The following DDX46 variants were observed in gnomAD, a reference collection of about 807,000 sequenced individuals.
The protein encoded by DDX46 is DEAD-box helicase 46, also known as probable ATP-dependent RNA helicase DDX46.
A neutral mutation model predicts 134.9 loss-of-function variants in DDX46; 30 were observed. The ratio of observed to expected loss-of-function variants is 0.22; its 90% CI spans 0.17 to 0.30. DDX46 has a LOEUF of 0.30. DDX46 is among the 10% of genes least tolerant of loss of function. The pLI, the probability that DDX46 is intolerant of heterozygous loss-of-function variation, is 1.00. For missense variants in DDX46, 622 were observed against 1,248.7 expected, an observed-to-expected ratio of 0.50 and a Z score of 7.56; for synonymous variants, 415 against 404.1, an observed-to-expected ratio of 1.03 and a Z score of -0.32.
chr5:134,790,197 T>C, intron 12 of DDX46: 1 of 557,132 alleles, frequency 1.8e-6, no homozygotes, highest in Non-Finnish European at 3.4e-6. Context: ...TTTCTGAATT[T>C]TACAGGTTCT....
chr5:134,805,850 A>G (rs1754970205), intron 15 of DDX46, among the ~76,000 whole-genome samples: 1 of 152,114 alleles, frequency 6.6e-6, no homozygotes, highest in South Asian at 2.1e-4. Context: ...CTAATTTCTA[A>G]TACATTAAGT....
At chr5:134,798,345 C>T (rs569878833) in intron 15 of DDX46, among the ~76,000 whole-genome samples, 1 of 151,506 alleles carries the variant, frequency 6.6e-6, no homozygotes, top group Non-Finnish European at 1.5e-5. Flanking sequence ...ACTATAGGTG[C>T]ATGCCACCAT....
chr5:134,824,598 G>T (rs1755540311), intron 21 of DDX46, among the ~76,000 whole-genome samples: 1 of 152,070 alleles, frequency 6.6e-6, no homozygotes, highest in South Asian at 2.1e-4. Flanking sequence ...GAAAAGAAAA[G>T]AAAAAGAAAT....
At chr5:134,781,053 G>C in intron 6 of DDX46, 80 bp from the exon 7 acceptor site, 1 of 962,014 alleles carries the variant, frequency 1.0e-6, no homozygotes, top group Admixed American at 3.4e-5. Context: ...ATGAAATTGT[G>C]TCAGTTACTG....
chr5:134,808,142 C>G (rs1372099623), intron 16 of DDX46, among the ~76,000 whole-genome samples: 1 of 152,168 alleles, frequency 6.6e-6, no homozygotes, highest in Non-Finnish European at 1.5e-5. Context: ...CCTAGCTGCT[C>G]TTTGTAGGCA....
rs201881051 is a variant in DDX46, at chr5:134,817,523, A to C, written c.2641A>C (p.Ile881Leu). The C allele has an allele frequency of 6.2e-7, 1 of 1,614,082 alleles. No individual in the cohort carries two copies. Among genetic ancestry groups the C allele is most frequent in the Non-Finnish European group, 8.5e-7 (1 of 1,180,018 alleles). ...TGTGATGCAGCAGGCCACCAATGCAATTCTTAGGGGTGGCACCATTCTGGC... is the reference window on the plus strand; with the variant it reads ...TGTGATGCAGCAGGCCACCAATGCACTTCTTAGGGGTGGCACCATTCTGGC... Reference protein sequence around the residue: ...VDVMQQATNAILRGGTILAPT... With the variant: ...VDVMQQATNALLRGGTILAPT... Residue 881 changes from isoleucine (I) to leucine (L), a missense_variant, in exon 20 of 23, where the codon ATT becomes CTT. Ile to Leu is a conservative substitution (Grantham distance 5). Transcript: ENST00000452510.
intron 5 of DDX46, among the ~76,000 whole-genome samples, chr5:134,776,285 G>T (rs1403682395): frequency 6.6e-6 from 1 of 152,036 alleles, no homozygotes; most frequent in Non-Finnish European, 1.5e-5. Flanking sequence ...AGCTACTCGG[G>T]AGGCTGAGGC....
chr5:134,761,059 T>A (rs1753368257), intron 1 of DDX46, among the ~76,000 whole-genome samples: 1 of 151,670 alleles, frequency 6.6e-6, no homozygotes, highest in Non-Finnish European at 1.5e-5. Context: ...AGGGACTTGC[T>A]CTGTCTCCCA....
chr5:134,816,490 C>A lies in DDX46; in HGVS notation c.2497C>A (p.Pro833Thr). ...SKKRVKDMAAPGTSSVPAPTA... is the reference protein window; with the variant it reads ...SKKRVKDMAATGTSSVPAPTA... ...GAAGAGAGTAAAGGATATGGCTGCT[C>A]CTGGAACATCAAGTGTTCCTGCTCC... Residue 833 changes from proline (P) to threonine (T), a missense_variant, in exon 19 of 23, where the codon CCT (proline) becomes ACT (threonine). By Grantham distance (38) the Pro-to-Thr change is conservative. Transcript: ENST00000452510. 1 of 1,613,892 alleles carries A rather than the reference C, an allele frequency of 6.2e-7. No homozygotes were observed. The highest frequency in any genetic ancestry group is 1.1e-5 in the South Asian group (1 of 91,052).
intron 11 of DDX46, among the ~76,000 whole-genome samples, chr5:134,787,197 C>A (rs549896695): frequency 5.9e-5 from 9 of 152,126 alleles, no homozygotes; most frequent in African/African-American, 2.2e-4. Flanking sequence ...GTAACACCTC[C>A]GAAAGGTATA....
chr5:134,796,219 G>C (rs112663912), intron 15 of DDX46, 69 bp downstream of exon 15: 9 of 1,520,242 alleles, frequency 5.9e-6, no homozygotes, highest in African/African-American at 5.6e-5. Context: ...CTGTGTTCTC[G>C]ATGATACTTA....
At chr5:134,785,727 A>G in intron 11 of DDX46, 141 bp downstream of exon 11, 9 of 975,944 alleles carry the variant, frequency 9.2e-6, no homozygotes, top group Non-Finnish European at 1.3e-5. Context: ...TAAAAATAAT[A>G]GTAAGAATTA....
chr5:134,799,042 C>A (rs1042380976), intron 15 of DDX46, among the ~76,000 whole-genome samples: 1 of 151,856 alleles, frequency 6.6e-6, no homozygotes, highest in African/African-American at 2.4e-5. Flanking sequence ...TTAAAGTTTC[C>A]GGGAGGATGT....
chr5:134,802,393 A>G lies in DDX46; in HGVS notation c.1955-5355A>G, dbSNP rs183576067. ...GTCAGGCTGGTCTCGAATTCCTGAT[A>G]TCAGGTGATCCACCCACCTCGGCCT... On this transcript the variant is annotated intron_variant, in intron 15 of 22. Transcript: ENST00000452510. Among the ~76,000 whole-genome samples, 54 of 151,618 alleles carry G rather than the reference A, an allele frequency of 3.6e-4. No individual in the cohort carries two copies. In the East Asian group the frequency reaches 8.4e-3, roughly 24 times the overall value.
intron 18 of DDX46, 40 bp from the exon 19 acceptor site, chr5:134,816,390 A>G (rs775264696): frequency 1.3e-6 from 2 of 1,533,134 alleles, no homozygotes; most frequent in Non-Finnish European, 1.8e-6. Flanking sequence ...GGTATTTCTA[A>G]TTCAGTTTTT....
intron 17 of DDX46, 39 bp downstream of exon 17, chr5:134,811,397 A>G (rs1431781429): frequency 1.3e-6 from 2 of 1,598,270 alleles, no homozygotes; most frequent in Admixed American, 3.6e-5. Flanking sequence ...AGAAATCATT[A>G]ATGTGACTAA....
At chr5:134,797,182 A>AAAAAAAAAC (rs1754685765) in intron 15 of DDX46, 1 of 289,234 alleles carries the variant, frequency 3.5e-6, no homozygotes, top group Non-Finnish European at 6.6e-6. Flanking sequence ...AAAAAAAAAA[A>AAAAAAAAAC]AAAAAAAAAA....
chr5:134,813,695 AACTCAACTC>A (rs1755210123), intron 18 of DDX46, among the ~76,000 whole-genome samples: 3 of 152,084 alleles, frequency 2.0e-5, no homozygotes, highest in Non-Finnish European at 4.4e-5. Context: ...TAGTGGTGCG[AACTCAACTC>A]ACTGCTGCCT....
rs1248304595 is a variant in DDX46 at position 134,799,442 on chromosome 5, TAA to T, written c.1954+3305_1954+3306del. Among the ~76,000 whole-genome samples, 7 of 138,314 alleles carry T rather than the reference TAA, an allele frequency of 5.1e-5. No individual in the cohort carries two copies. The East Asian group carries it at 8.3e-4, about 16-fold the overall frequency. 90.7% of individuals were successfully genotyped at this position (138,314 alleles called of 152,430 possible). ...GACTATAGCAAAATTTGTGAATATT[TAA>T]AAAAAAAAAAAAGCTGGGTGCCGTG... On this transcript the variant is annotated intron_variant, in intron 15 of 22. Transcript: ENST00000452510.
Sources: gnomAD v4.1 joint callset for allele counts (sites outside exome capture counted in the v4.1 genomes callset) on GRCh38, gnomAD v4.1.1 for gene constraint, MANE v1.5 for transcripts, NCBI Gene and HGNC (gene_info 2026-07-23, HGNC 2026-07-21) for gene names.